TNPO1: variants seen among roughly 807,000 people sequenced by gnomAD.
The protein encoded by TNPO1 is transportin 1, also known as transportin-1.
A neutral mutation model predicts 119.5 loss-of-function variants in TNPO1; 8 were observed. The observed-to-expected ratio is 0.07, with a 90% CI of 0.04 to 0.12. The LOEUF (loss-of-function observed/expected upper bound fraction) is 0.12, where lower values mean the gene tolerates loss of function less well. TNPO1 is among the 10% of genes least tolerant of loss of function. The pLI, the probability that TNPO1 is intolerant of heterozygous loss-of-function variation, is 1.00. For synonymous variants in TNPO1, 362 were observed against 363.0 expected, an observed-to-expected ratio of 1.00 and a Z score of 0.03; for missense variants, 576 against 1,089.8, an observed-to-expected ratio of 0.53 and a Z score of 6.64.
chr5:72,829,349 A>G (rs266430), intron 1 of TNPO1, among the ~76,000 whole-genome samples: 28,324 of 152,220 alleles, frequency 0.19, 3,007 homozygotes, highest in African/African-American at 0.28. Flanking sequence ...ATTTGTCTCC[A>G]ACATTTTCAA....
intron 21 of TNPO1, 84 bp downstream of exon 21, chr5:72,900,165 G>T: frequency 7.9e-7 from 1 of 1,263,786 alleles, no homozygotes; most frequent in Non-Finnish European, 1.1e-6. Flanking sequence ...ATTTTCAGTT[G>T]GTTACAAAAA....
intron 11 of TNPO1, among the ~76,000 whole-genome samples, chr5:72,886,482 G>A (rs1175129109): frequency 6.6e-6 from 1 of 152,196 alleles, no homozygotes; most frequent in Non-Finnish European, 1.5e-5. Flanking sequence ...ACTGAATTGA[G>A]TGGCACAGTA....
At chr5:72,819,534 C>G (rs1743851467) in intron 1 of TNPO1, among the ~76,000 whole-genome samples, 1 of 152,036 alleles carries the variant, frequency 6.6e-6, no homozygotes, top group Non-Finnish European at 1.5e-5. Context: ...TGGATTTGTC[C>G]TGGAATTTTC....
chr5:72,859,000 A>T (rs1294987561), intron 4 of TNPO1, among the ~76,000 whole-genome samples: 1 of 147,474 alleles, frequency 6.8e-6, no homozygotes, highest in Non-Finnish European at 1.5e-5. Flanking sequence ...CTTAGTTTAC[A>T]TGAGAAAAAG....
At chr5:72,822,168 A>G (rs1743988591) in intron 1 of TNPO1, among the ~76,000 whole-genome samples, 1 of 152,230 alleles carries the variant, frequency 6.6e-6, no homozygotes, top group Non-Finnish European at 1.5e-5. Context: ...AGAGCAGAAT[A>G]AAATAGATTT....
intron 1 of TNPO1, among the ~76,000 whole-genome samples, chr5:72,839,219 C>T (rs1245553871): frequency 1.3e-5 from 2 of 152,062 alleles, no homozygotes; most frequent in East Asian, 1.9e-4. Flanking sequence ...CTAAGAGAAT[C>T]GGACCTAATT....
rs111681764 is a variant in TNPO1 at position 72,826,813 on chromosome 5, T to G, written c.15+10061T>G. Among the ~76,000 whole-genome samples, 969 of 152,306 alleles carry G rather than the reference T, an allele frequency of 6.4e-3. 8 individuals carry two copies. Among genetic ancestry groups the G allele is most frequent in the African/African-American group, 0.022 (923 of 41,562 alleles). ...AACGCTACAAGGATACATAACCAAATGCATACTAAAGTACTTCTGGGGAGG... is the reference window on the plus strand; with the variant it reads ...AACGCTACAAGGATACATAACCAAAGGCATACTAAAGTACTTCTGGGGAGG... On this transcript the variant is annotated intron_variant, in intron 1 of 24. Transcript: ENST00000337273.
chr5:72,851,832 C>T (rs938152723), intron 3 of TNPO1, among the ~76,000 whole-genome samples: 2 of 152,176 alleles, frequency 1.3e-5, no homozygotes, highest in African/African-American at 4.8e-5. Context: ...TAATAAGTTA[C>T]TTAATTCTTT....
chr5:72,880,149 G>A (rs1315591119), intron 9 of TNPO1, among the ~76,000 whole-genome samples: 1 of 151,980 alleles, frequency 6.6e-6, no homozygotes, highest in Non-Finnish European at 1.5e-5. Flanking sequence ...AGCCGAAATG[G>A]CACCACTGCA....
At chr5:72,832,856 T>A (rs1301670298) in intron 1 of TNPO1, among the ~76,000 whole-genome samples, 2 of 152,142 alleles carry the variant, frequency 1.3e-5, no homozygotes, top group African/African-American at 4.8e-5. Flanking sequence ...GGCAGATGAC[T>A]TTATTCTGGG....
At chr5:72,861,736 A>G (rs941517616) in intron 4 of TNPO1, 72 bp from the exon 5 acceptor site, 28 of 1,057,476 alleles carry the variant, frequency 2.6e-5, no homozygotes, top group Non-Finnish European at 4.1e-5. Context: ...GTGTTTGTGC[A>G]CACAGTTGCT....
intron 1 of TNPO1, among the ~76,000 whole-genome samples, chr5:72,823,077 G>A (rs949167546): frequency 2.0e-5 from 3 of 151,882 alleles, no homozygotes; most frequent in African/African-American, 7.3e-5. Flanking sequence ...ACCATTCTTA[G>A]ATGTTGCTTT....
intron 24 of TNPO1, among the ~76,000 whole-genome samples, chr5:72,905,753 C>T (rs191363336): frequency 1.2e-4 from 19 of 152,086 alleles, no homozygotes; most frequent in Non-Finnish European, 2.1e-4. Flanking sequence ...AAATTAGCCA[C>T]GTGTGGTGGG....
intron 1 of TNPO1, among the ~76,000 whole-genome samples, chr5:72,831,936 C>G (rs1035483378): frequency 1.3e-5 from 2 of 151,992 alleles, no homozygotes; most frequent in South Asian, 2.1e-4. Flanking sequence ...CTTTTCACGT[C>G]ATTACAGAAA....
chr5:72,819,730 G>A (rs1743868738), intron 1 of TNPO1, among the ~76,000 whole-genome samples: 1 of 152,194 alleles, frequency 6.6e-6, no homozygotes, highest in Non-Finnish European at 1.5e-5. Context: ...TTTCAATGTA[G>A]TGTAGAGAAC....
At chr5:72,862,508 T>C (rs1455416292) in intron 5 of TNPO1, 1 of 151,532 alleles carries the variant, frequency 6.6e-6, no homozygotes, top group Non-Finnish European at 1.5e-5. Flanking sequence ...TTTTTTTTTT[T>C]GGTAGAGATG....
intron 3 of TNPO1, among the ~76,000 whole-genome samples, chr5:72,854,741 A>G (rs919822727): frequency 6.6e-6 from 1 of 152,218 alleles, no homozygotes; most frequent in Non-Finnish European, 1.5e-5. Context: ...TAAAGCCGTC[A>G]GTTATGTTCT....
chr5:72,816,784 T>G (rs762007613), intron 1 of TNPO1, 32 bp downstream of exon 1: 9 of 1,576,052 alleles, frequency 5.7e-6, no homozygotes, highest in Non-Finnish European at 7.7e-6. Flanking sequence ...GGCCCCGAAC[T>G]GCAGGGGCGG....
chr5:72,902,706 G>T (rs1291590392), intron 22 of TNPO1, among the ~76,000 whole-genome samples: 2 of 151,772 alleles, frequency 1.3e-5, no homozygotes, highest in African/African-American at 4.8e-5. Flanking sequence ...CTTAAGAGTT[G>T]GTAGAAATTT....
Sources: allele counts gnomAD v4.1 joint callset (sites outside exome capture counted in the v4.1 genomes callset), GRCh38; gene constraint gnomAD v4.1.1; transcripts MANE v1.5; gene names NCBI Gene and HGNC (gene_info 2026-07-23, HGNC 2026-07-21).